The following PRKAR1A variants were observed in gnomAD, a reference collection of about 807,000 sequenced individuals.
PRKAR1A encodes protein kinase cAMP-dependent type I regulatory subunit alpha.
PRKAR1A carries 3 observed loss-of-function variants against 52.0 expected under a neutral mutation model. That is an observed-to-expected ratio of 0.06 (90% CI 0.03 to 0.15). The LOEUF is 0.15. Among genes scored for constraint, PRKAR1A ranks in the 10% least tolerant of loss-of-function variants. PRKAR1A has a pLI of 1.00. For missense variants in PRKAR1A, 240 were observed against 477.4 expected, an observed-to-expected ratio of 0.50 and a Z score of 4.63; for synonymous variants, 188 against 168.4, an observed-to-expected ratio of 1.12 and a Z score of -0.90.
At chr17:68,457,718 T>G in the PRKAR1A span, among the ~76,000 whole-genome samples, 1 of 152,080 alleles carries the variant, frequency 6.6e-6, no homozygotes, top group Non-Finnish European at 1.5e-5. Flanking sequence ...AAGCCACGGC[T>G]GGCGGGCACC....
At chr17:68,447,628 C>T in the PRKAR1A span, among the ~76,000 whole-genome samples, 3 of 152,098 alleles carry the variant, frequency 2.0e-5, no homozygotes, top group Admixed American at 2.0e-4. Context: ...TGGGCTCAAG[C>T]GATCCTCCTG....
At chr17:68,529,255 A>G (rs1600492981) in intron 9 of PRKAR1A, among the ~76,000 whole-genome samples, 2 of 152,238 alleles carry the variant, frequency 1.3e-5, no homozygotes, top group Admixed American at 1.3e-4. Flanking sequence ...GCCAAATTCT[A>G]AAAACCATTT....
intron 11 of PRKAR1A, chr17:68,541,774 G>A (rs1225016465): frequency 3.6e-6 from 2 of 554,854 alleles, no homozygotes; most frequent in Admixed American, 3.2e-5. Flanking sequence ...AACACCTAGT[G>A]TTGGGTATAT....
In PRKAR1A at chr17:68,515,541, G is replaced by A. The variant is rs2085406625; in HGVS notation, c.142G>A (p.Ala48Thr). 6.2e-7 allele frequency: 1 copy of A among 1,612,710 alleles called. No individual in the cohort carries two copies. Among genetic ancestry groups the A allele is most frequent in the African/African-American group, 1.3e-5 (1 of 74,860 alleles). ...CACTGCTCGACCTGAGAGACCCATG[G>A]CATTCCTCAGGGAATACTTTGAGAG... ...LCTARPERPM[A>T]FLREYFERLE... The change falls in exon 2 of 11, where the codon GCA (alanine) becomes ACA (threonine). Residue 48 changes from alanine (A) to threonine (T), a missense_variant. By Grantham distance (58) the Ala-to-Thr change is moderately conservative. This residue lies in a region of PRKAR1A where 107 missense variants were observed against 114.6 expected (regional missense o/e 0.93). Coordinates refer to ENST00000589228, the MANE Select transcript of PRKAR1A (RefSeq NM_002734.5).
the PRKAR1A span, among the ~76,000 whole-genome samples, chr17:68,471,591 G>GTC: frequency 6.6e-6 from 1 of 151,842 alleles, no homozygotes; most frequent in Non-Finnish European, 1.5e-5. Flanking sequence ...TTTCCGTTCC[G>GTC]TCTCTCTCTC....
In PRKAR1A at chr17:68,546,437, T is replaced by A. The variant is rs538788708; in HGVS notation, c.974-4647T>A. Among the ~76,000 whole-genome samples, 5 of 152,176 alleles carry A rather than the reference T, an allele frequency of 3.3e-5. No homozygotes were observed. The South Asian group carries it at 1.0e-3, about 32-fold the overall frequency. The stretch of plus-strand genomic sequence containing the variant: ...CAAATTTTCTTAATGGCATCTAGAA[T>A]GGAGACTCCTTTCCAGAAAGTTTTC... On this transcript the variant is annotated intron_variant, in intron 11 of 11. Coordinates refer to the PRKAR1A transcript ENST00000585981.
the PRKAR1A span, among the ~76,000 whole-genome samples, chr17:68,425,387 T>C: frequency 6.6e-4 from 98 of 148,220 alleles, no homozygotes; most frequent in East Asian, 0.017. Context: ...CTTTTCTTTT[T>C]TTTTTTTTTT....
chr17:68,475,609 G>A, the PRKAR1A span, among the ~76,000 whole-genome samples: 7 of 152,134 alleles, frequency 4.6e-5, no homozygotes, highest in East Asian at 5.8e-4. Flanking sequence ...GACTACAGGC[G>A]TGTGCCACCA....
At position 68,529,941 on chromosome 17, in the gene PRKAR1A, C is replaced by A; in HGVS notation, c.913C>A (p.Arg305Ser). The A allele has an allele frequency of 6.2e-7, 1 of 1,614,022 alleles. No homozygotes were observed. The highest frequency in any genetic ancestry group is 8.5e-7 in the Non-Finnish European group (1 of 1,179,948). The change falls in exon 10 of 11, where the codon CGT becomes AGT. Residue 305 changes from arginine (R) to serine (S), a missense_variant. Coordinates refer to ENST00000589228, the MANE Select transcript of PRKAR1A (RefSeq NM_002734.5). ...ILEGSAAVLQ[R>S]RSENEEFVEV... ...ATAGGGGTCAGCTGCTGTGCTACAA[C>A]GTCGGTCAGAAAATGAAGAGTTTGT...
the PRKAR1A span, among the ~76,000 whole-genome samples, chr17:68,416,349 G>A: frequency 2.0e-5 from 3 of 152,132 alleles, no homozygotes; most frequent in Non-Finnish European, 1.5e-5. Flanking sequence ...TATGGCCCCA[G>A]TCCTTTCTAG....
At chr17:68,513,320 C>T (rs549490843) in intron 1 of PRKAR1A, 1 of 152,240 alleles carries the variant, frequency 6.6e-6, no homozygotes, top group Non-Finnish European at 1.5e-5. Context: ...GACCGTCCTA[C>T]TCCTTGAGAG....
downstream of PRKAR1A, chr17:68,536,378 T>C (rs183590895): frequency 6.6e-6 from 3 of 454,132 alleles, no homozygotes; most frequent in African/African-American, 6.0e-5. Flanking sequence ...CGGTCATTAA[T>C]TATGGAATAA....
chr17:68,436,031 G>A, the PRKAR1A span, among the ~76,000 whole-genome samples: 3 of 152,212 alleles, frequency 2.0e-5, no homozygotes, highest in Admixed American at 2.0e-4. Flanking sequence ...ATCTTGTCCC[G>A]CTCAGGGATG....
chr17:68,422,715 T>TA, the PRKAR1A span: 1 of 114,722 alleles, frequency 8.7e-6, no homozygotes, highest in Non-Finnish European at 1.6e-5. Context: ...AGGGACAGAG[T>TA]GAGACTCTAT....
the PRKAR1A span, among the ~76,000 whole-genome samples, chr17:68,500,664 C>T: frequency 6.6e-6 from 1 of 152,122 alleles, no homozygotes; most frequent in Admixed American, 6.6e-5. Flanking sequence ...CAGGTGCCCA[C>T]CACCACGCCC....
the PRKAR1A span, among the ~76,000 whole-genome samples, chr17:68,447,801 G>A: frequency 6.6e-6 from 1 of 151,874 alleles, no homozygotes; most frequent in Non-Finnish European, 1.5e-5. Context: ...GAACATCCTG[G>A]CTAACATGGT....
the PRKAR1A span, among the ~76,000 whole-genome samples, chr17:68,424,738 A>G: frequency 2.0e-5 from 3 of 152,286 alleles, no homozygotes; most frequent in African/African-American, 7.2e-5. Context: ...TTAGTTGGGC[A>G]TGGTGGCGCA....
intron 2 of PRKAR1A, among the ~76,000 whole-genome samples, chr17:68,521,544 C>T (rs1421731748): frequency 6.6e-6 from 1 of 152,214 alleles, no homozygotes; most frequent in Non-Finnish European, 1.5e-5. Flanking sequence ...TATTCTTAAA[C>T]TTTAAACTTG....
intron 11 of PRKAR1A, chr17:68,542,251 G>T: frequency 7.0e-7 from 1 of 1,438,814 alleles, no homozygotes; most frequent in Non-Finnish European, 9.7e-7. Flanking sequence ...CACTGGGAGG[G>T]AAGGGAAACC....
Sources: allele counts gnomAD v4.1 joint callset (sites outside exome capture counted in the v4.1 genomes callset), GRCh38; gene constraint gnomAD v4.1.1; regional missense constraint gnomAD v4.1.1; transcripts MANE v1.5; gene names NCBI Gene and HGNC (gene_info 2026-07-23, HGNC 2026-07-21).